CLVS1: variants seen among roughly 807,000 people sequenced by gnomAD.
CLVS1 encodes clavesin 1.
Under a neutral mutation model 33.1 loss-of-function variants are expected in CLVS1, and 10 were observed. That is an observed-to-expected ratio of 0.30 (90% CI 0.19 to 0.51). The LOEUF (loss-of-function observed/expected upper bound fraction) is 0.51, where lower values mean the gene tolerates loss of function less well. CLVS1 is among the 20% of genes least tolerant of loss of function. The pLI is 0.97. For synonymous variants in CLVS1, 163 were observed against 166.1 expected, an observed-to-expected ratio of 0.98 and a Z score of 0.14; for missense variants, 343 against 433.4, an observed-to-expected ratio of 0.79 and a Z score of 1.85.
intron 4 of CLVS1, among the ~76,000 whole-genome samples, chr8:61,455,177 TTTGTGTGTG>T (rs974939821): frequency 2.9e-5 from 3 of 102,836 alleles, no homozygotes; most frequent in African/African-American, 1.2e-4. Flanking sequence ...ATAATTATGA[TTTGTGTGTG>T]TGTGTGTGTG....
chr8:61,316,792 T>C (rs1481912011), intron 2 of CLVS1, among the ~76,000 whole-genome samples: 2 of 152,170 alleles, frequency 1.3e-5, no homozygotes, highest in African/African-American at 4.8e-5. Context: ...GTGGCTAGAT[T>C]ATCTGGGTGT....
chr8:61,088,192 T>C (rs1805160022), intron 1 of CLVS1, among the ~76,000 whole-genome samples: 1 of 152,210 alleles, frequency 6.6e-6, no homozygotes, highest in Non-Finnish European at 1.5e-5. Flanking sequence ...GTGTGAATAA[T>C]GTAGCAATGT....
chr8:61,389,107 C>T (rs1585900959), intron 3 of CLVS1, among the ~76,000 whole-genome samples: 1 of 152,282 alleles, frequency 6.6e-6, no homozygotes, highest in African/African-American at 2.4e-5. Flanking sequence ...CTCAAACTTC[C>T]CTTAGAGACT....
chr8:61,235,652 T>G (rs1172677786), intron 2 of CLVS1, among the ~76,000 whole-genome samples: 1 of 152,174 alleles, frequency 6.6e-6, no homozygotes, highest in African/African-American at 2.4e-5. Context: ...CTGTACACAA[T>G]CCTTTTCCTT....
chr8:61,104,237 A>G (rs1315909304), intron 1 of CLVS1, among the ~76,000 whole-genome samples: 1 of 152,226 alleles, frequency 6.6e-6, no homozygotes, highest in East Asian at 1.9e-4. Flanking sequence ...ACAGACAGCA[A>G]AAGAAGAAAC....
intron 2 of CLVS1, among the ~76,000 whole-genome samples, chr8:61,234,433 G>T (rs1808510143): frequency 6.6e-6 from 1 of 152,094 alleles, no homozygotes; most frequent in African/African-American, 2.4e-5. Flanking sequence ...GAAGTTCAGG[G>T]TACACAACAC....
the CLVS1 span, among the ~76,000 whole-genome samples, chr8:61,011,483 C>G: frequency 1.9e-4 from 29 of 152,258 alleles, 1 homozygote; most frequent in African/African-American, 7.0e-4. Context: ...GAGTCTCACT[C>G]TGTCACCCAG....
intron 2 of CLVS1, among the ~76,000 whole-genome samples, chr8:61,240,267 G>A (rs189581471): frequency 1.4e-3 from 206 of 152,132 alleles, no homozygotes; most frequent in African/African-American, 4.6e-3. Flanking sequence ...TCTCACCTCC[G>A]TTCTCCCCCG....
chr8:61,390,457 G>A (rs774439907), intron 3 of CLVS1, among the ~76,000 whole-genome samples: 2 of 152,202 alleles, frequency 1.3e-5, no homozygotes, highest in South Asian at 2.1e-4. Context: ...ACTTCTGGAG[G>A]TGAAGAGCAT....
intron 5 of CLVS1, among the ~76,000 whole-genome samples, chr8:61,459,190 G>A (rs1817270159): frequency 6.6e-6 from 1 of 152,080 alleles, no homozygotes; most frequent in African/African-American, 2.4e-5. Flanking sequence ...TGCAAGGGTG[G>A]GAGATGGGAC....
intron 2 of CLVS1, among the ~76,000 whole-genome samples, chr8:61,264,238 C>T (rs376126100): frequency 5.9e-5 from 9 of 151,808 alleles, no homozygotes; most frequent in East Asian, 3.9e-4. Context: ...TGTTAAATGC[C>T]GTCTATATGC....
In CLVS1 at chr8:61,150,101, G is replaced by GGTGTGTGTGTGTGTGTGTGTGTGT. The variant is rs10653874; in HGVS notation, c.-152+18245_-152+18268dup. ...TGTTTCAGTTTTCTCATTTGAGAAAGGTGTGTGTGTGTGTGTGTGTGTGTG... is the reference window on the plus strand; with the variant it reads ...TGTTTCAGTTTTCTCATTTGAGAAAGGTGTGTGTGTGTGTGTGTGTGTGTGTGTGTGTGTGTGTGTGTGTGTGTG... On this transcript the variant is annotated intron_variant, in intron 2 of 2. Transcript: ENST00000522621. Among the ~76,000 whole-genome samples the GGTGTGTGTGTGTGTGTGTGTGTGT allele has an allele frequency of 9.5e-3, 1,388 of 146,496 alleles. 28 individuals are homozygous for GGTGTGTGTGTGTGTGTGTGTGTGT. Among genetic ancestry groups the GGTGTGTGTGTGTGTGTGTGTGTGT allele is most frequent in the African/African-American group, 0.032 (1,268 of 39,240 alleles).
At chr8:61,170,777 A>G (rs1321012312) in intron 2 of CLVS1, among the ~76,000 whole-genome samples, 2 of 152,216 alleles carry the variant, frequency 1.3e-5, no homozygotes, top group Non-Finnish European at 2.9e-5. Flanking sequence ...GATTATTAAA[A>G]GCATCATAGC....
At chr8:61,349,525 G>A (rs552225936) in intron 2 of CLVS1, among the ~76,000 whole-genome samples, 1 of 152,162 alleles carries the variant, frequency 6.6e-6, no homozygotes, top group South Asian at 2.1e-4. Context: ...GGAACAGTGA[G>A]AGGACCAGGT....
At chr8:61,054,514 C>G (rs1240651104), upstream of CLVS1, among the ~76,000 whole-genome samples, 1 of 152,166 alleles carries the variant, frequency 6.6e-6, no homozygotes, top group Non-Finnish European at 1.5e-5. Flanking sequence ...AACAAACTGA[C>G]TAATCCTGCC....
chr8:61,171,369 G>A (rs1300088578), intron 2 of CLVS1, among the ~76,000 whole-genome samples: 1 of 152,096 alleles, frequency 6.6e-6, no homozygotes, highest in Non-Finnish European at 1.5e-5. Flanking sequence ...TCTTTTAAAT[G>A]AGAAATAATC....
At chr8:61,484,145 G>C (rs929504964) in intron 5 of CLVS1, among the ~76,000 whole-genome samples, 3 of 152,300 alleles carry the variant, frequency 2.0e-5, no homozygotes, top group Admixed American at 2.0e-4. Flanking sequence ...AAAAGAGGAA[G>C]TCAAATTGTT....
intron 2 of CLVS1, among the ~76,000 whole-genome samples, chr8:61,179,312 T>A (rs937010612): frequency 6.6e-6 from 1 of 152,090 alleles, no homozygotes; most frequent in Non-Finnish European, 1.5e-5. Flanking sequence ...TATATATGCA[T>A]CCAATACAGG....
At chr8:61,423,457 A>T (rs1312955375) in intron 3 of CLVS1, among the ~76,000 whole-genome samples, 1 of 152,194 alleles carries the variant, frequency 6.6e-6, no homozygotes, top group Non-Finnish European at 1.5e-5. Flanking sequence ...TAGAAATATT[A>T]TATAGGGATT....
Sources: gnomAD v4.1 joint callset for allele counts (sites outside exome capture counted in the v4.1 genomes callset) on GRCh38, gnomAD v4.1.1 for gene constraint, MANE v1.5 for transcripts, NCBI Gene and HGNC (gene_info 2026-07-23, HGNC 2026-07-21) for gene names.